Variants in SLX9 observed in about 807,000 individuals in gnomAD.
The protein encoded by SLX9 is SLX9 ribosome biogenesis factor.
A neutral mutation model predicts 20.8 loss-of-function variants in SLX9; 19 were observed. The observed-to-expected ratio is 0.91, with a 90% CI of 0.64 to 1.34. The LOEUF (loss-of-function observed/expected upper bound fraction) is 1.34. Among genes scored for constraint, SLX9 ranks in the 40% most tolerant of loss-of-function variants. The pLI is 0.00. For synonymous variants in SLX9, 113 were observed against 137.1 expected, an observed-to-expected ratio of 0.82 and a Z score of 1.23; for missense variants, 299 against 322.2, an observed-to-expected ratio of 0.93 and a Z score of 0.55.
At chr21:44,949,726 G>A (rs796463201) in intron 2 of SLX9, among the ~76,000 whole-genome samples, 24 of 152,288 alleles carry the variant, frequency 1.6e-4, no homozygotes, top group East Asian at 5.8e-4. Context: ...ACTGGGTGAC[G>A]AGGCCACCAG....
At chr21:44,964,188 A>G (rs2084993195) in intron 3 of SLX9, among the ~76,000 whole-genome samples, 1 of 152,218 alleles carries the variant, frequency 6.6e-6, no homozygotes, top group Admixed American at 6.5e-5. Flanking sequence ...GCTCTCTGCT[A>G]GTATGTTAAA....
chr21:44,948,515 C>T (rs2084692226), intron 2 of SLX9, among the ~76,000 whole-genome samples: 1 of 152,192 alleles, frequency 6.6e-6, no homozygotes, highest in Non-Finnish European at 1.5e-5. Flanking sequence ...TGTTTTCAGA[C>T]AGGCACTTGG....
intron 4 of SLX9, chr21:44,969,089 A>G (rs1236168158): frequency 6.7e-6 from 3 of 445,584 alleles, no homozygotes; most frequent in Non-Finnish European, 1.4e-5. Flanking sequence ...TCTTTCTCCT[A>G]CTAACTTTCC....
intron 1 of SLX9, among the ~76,000 whole-genome samples, chr21:44,942,374 C>T (rs1372196920): frequency 6.6e-6 from 1 of 152,198 alleles, no homozygotes; most frequent in African/African-American, 2.4e-5. Context: ...ACTTTTCTGT[C>T]TCTGCCACGT....
chr21:44,955,299 C>T (rs369657339), intron 2 of SLX9, among the ~76,000 whole-genome samples: 2 of 152,204 alleles, frequency 1.3e-5, no homozygotes, highest in African/African-American at 4.8e-5. Context: ...GTGCTCCTGC[C>T]GCTTCTCCCC....
intron 3 of SLX9, among the ~76,000 whole-genome samples, chr21:44,960,522 T>G (rs1397333422): frequency 6.6e-6 from 1 of 152,276 alleles, no homozygotes; most frequent in East Asian, 1.9e-4. Flanking sequence ...CCTATTTTTG[T>G]TCCCCACCGT....
chr21:44,943,536 G>T, intron 1 of SLX9, 148 bp from the exon 2 acceptor site: 1 of 1,083,098 alleles, frequency 9.2e-7, no homozygotes, highest in South Asian at 1.6e-5. Context: ...TGGGAGGTGA[G>T]GGTTGTTTCC....
intron 3 of SLX9, among the ~76,000 whole-genome samples, chr21:44,965,780 A>G (rs552757442): frequency 2.0e-5 from 3 of 152,180 alleles, no homozygotes; most frequent in South Asian, 2.1e-4. Flanking sequence ...CACGGGAACC[A>G]CATGCCTCTG....
chr21:44,960,516 T>A (rs192961918), intron 3 of SLX9, among the ~76,000 whole-genome samples: 54 of 152,382 alleles, frequency 3.5e-4, no homozygotes, highest in African/African-American at 1.3e-3. Flanking sequence ...AAATTACCTA[T>A]TTTTGTTCCC....
chr21:44,976,126 G>T (rs114471699), intron 5 of SLX9, among the ~76,000 whole-genome samples: 1 of 152,256 alleles, frequency 6.6e-6, no homozygotes, highest in Admixed American at 6.5e-5. Flanking sequence ...GCTCTCTGGC[G>T]TGCGGCTGGC....
At chr21:44,968,836 C>A (rs1019298719) in intron 4 of SLX9, among the ~76,000 whole-genome samples, 1 of 151,044 alleles carries the variant, frequency 6.6e-6, no homozygotes, top group African/African-American at 2.4e-5. Context: ...TCACTGCAAG[C>A]TCCGCCTCCT....
intron 3 of SLX9, among the ~76,000 whole-genome samples, chr21:44,963,721 A>T (rs966254210): frequency 5.3e-5 from 8 of 152,212 alleles, no homozygotes; most frequent in African/African-American, 1.7e-4. Context: ...AGAAAGTCTC[A>T]TAAGTGTGGA....
At chr21:44,940,234 C>A in intron 1 of SLX9, 48 bp downstream of exon 1, 1 of 1,206,304 alleles carries the variant, frequency 8.3e-7, no homozygotes, top group Admixed American at 4.4e-5. Flanking sequence ...GGTCCGAGGG[C>A]GGGTGAGCTG....
intron 2 of SLX9, among the ~76,000 whole-genome samples, chr21:44,957,086 C>T (rs17004722): frequency 0.066 from 10,014 of 152,326 alleles, 1,239 homozygotes; most frequent in African/African-American, 0.23. Context: ...CCTGTACCTG[C>T]GTGCACCCAT....
chr21:44,949,996 T>C (rs376489687), intron 2 of SLX9, among the ~76,000 whole-genome samples: 1 of 152,130 alleles, frequency 6.6e-6, no homozygotes, highest in African/African-American at 2.4e-5. Flanking sequence ...AGTCCCGGGA[T>C]AGAGACGCAG....
chr21:44,961,148 G>A (rs1020297615), intron 3 of SLX9, among the ~76,000 whole-genome samples: 11 of 152,070 alleles, frequency 7.2e-5, no homozygotes, highest in African/African-American at 2.4e-4. Flanking sequence ...GGATTTGGAC[G>A]GGCTACTGGA....
At chr21:44,959,963 T>C in intron 2 of SLX9, 137 bp from the exon 3 acceptor site, 1 of 734,246 alleles carries the variant, frequency 1.4e-6, no homozygotes, top group Non-Finnish European at 2.4e-6. Flanking sequence ...GAGCCGGGAG[T>C]CTGAGAGGCT....
Position 44,940,110 on chromosome 21 carries a change from C to T in SLX9, c.53C>T (p.Pro18Leu). 1.4e-6 allele frequency: 2 copies of T among 1,405,456 alleles called. No homozygotes were observed. Among genetic ancestry groups the T allele is most frequent in the Non-Finnish European group, 9.3e-7 (1 of 1,072,578 alleles). The allele number at this position is 1,405,456 out of a possible 1,614,324, so 87.1% of individuals were successfully genotyped here. A position where few individuals can be genotyped will look rare whatever the true frequency, so the allele number is the denominator to read the frequency against. ...CGAGTGCACCAGGCTGCCGTGAGGC[C>T]GAAAGGGGAGGCCGCCCCCGGCCCC... ...RARVHQAAVR[P>L]KGEAAPGPAP... Residue 18 changes from proline to leucine, a missense_variant, in exon 1 of 6, where the codon CCG becomes CTG. Coordinates refer to ENST00000291634, the MANE Select transcript of SLX9 (RefSeq NM_058190.4).
At chr21:44,964,143 GTT>G (rs748477461) in intron 3 of SLX9, among the ~76,000 whole-genome samples, 4 of 152,156 alleles carry the variant, frequency 2.6e-5, no homozygotes, top group African/African-American at 9.7e-5. Flanking sequence ...GTATTTTATA[GTT>G]TTTTATGCTG....
Sources: gnomAD v4.1 joint callset for allele counts (sites outside exome capture counted in the v4.1 genomes callset) on GRCh38, gnomAD v4.1.1 for gene constraint, MANE v1.5 for transcripts, NCBI Gene and HGNC (gene_info 2026-07-23, HGNC 2026-07-21) for gene names.